ALG12: variants seen among roughly 807,000 people sequenced by gnomAD.
ALG12 encodes ALG12 alpha-1,6-mannosyltransferase.
ALG12 carries 36 observed loss-of-function variants against 46.0 expected under a neutral mutation model. The ratio of observed to expected loss-of-function variants is 0.78; its 90% confidence interval spans 0.60 to 1.03. ALG12 has a LOEUF of 1.03. Ranked by LOEUF, ALG12 falls within the 50% of genes least tolerant of loss-of-function variation. The pLI is 0.00. For missense variants in ALG12, 599 were observed against 633.5 expected, an observed-to-expected ratio of 0.95 and a Z score of 0.58; for synonymous variants, 326 against 291.6, an observed-to-expected ratio of 1.12 and a Z score of -1.20.
At chr22:49,865,863 C>CTTT in the ALG12 span, among the ~76,000 whole-genome samples, 4 of 139,520 alleles carry the variant, frequency 2.9e-5, no homozygotes, top group African/African-American at 1.0e-4. Context: ...TTCACATTTT[C>CTTT]TTTTTTTTTT....
chr22:49,875,532 T>A, the ALG12 span, among the ~76,000 whole-genome samples: 1 of 151,988 alleles, frequency 6.6e-6, no homozygotes, highest in East Asian at 1.9e-4. Flanking sequence ...GGGATTCTCC[T>A]GCCTCAGCCT....
chr22:49,912,039 C>A (rs923225557), intron 3 of ALG12, among the ~76,000 whole-genome samples: 1 of 151,660 alleles, frequency 6.6e-6, no homozygotes, highest in Admixed American at 6.6e-5. Context: ...ACCCTCGGCC[C>A]CGGGATCAGC....
the ALG12 span, among the ~76,000 whole-genome samples, chr22:49,873,540 A>G: frequency 6.6e-6 from 1 of 152,266 alleles, no homozygotes; most frequent in African/African-American, 2.4e-5. Flanking sequence ...AAATATTGCC[A>G]GAATTACCAA....
chr22:49,864,535 G>T, the ALG12 span, among the ~76,000 whole-genome samples: 1 of 152,198 alleles, frequency 6.6e-6, no homozygotes, highest in African/African-American at 2.4e-5. Context: ...CCTGATTGGA[G>T]CCTGGGCATG....
chr22:49,910,628 C>T (rs779935632), intron 3 of ALG12, 21 bp from the exon 4 acceptor site: 25 of 1,613,842 alleles, frequency 1.5e-5, no homozygotes, highest in Middle Eastern at 3.3e-4. Context: ...ACAGTGACAG[C>T]ACCTGAGCCT....
chr22:49,891,071 A>G, the ALG12 span, among the ~76,000 whole-genome samples: 1 of 152,058 alleles, frequency 6.6e-6, no homozygotes, highest in Admixed American at 6.5e-5. Context: ...CAGAAAGTCA[A>G]CAAGCAAAAT....
At chr22:49,870,187 T>C in the ALG12 span, among the ~76,000 whole-genome samples, 1 of 152,158 alleles carries the variant, frequency 6.6e-6, no homozygotes, top group Non-Finnish European at 1.5e-5. Context: ...TAATATTCCA[T>C]GGTGTGGATA....
chr22:49,865,223 G>T, the ALG12 span, among the ~76,000 whole-genome samples: 1 of 152,068 alleles, frequency 6.6e-6, no homozygotes, highest in African/African-American at 2.4e-5. Context: ...TAACACCGTG[G>T]CAAGTATTTG....
chr22:49,883,775 A>G, the ALG12 span: 2 of 1,613,376 alleles, frequency 1.2e-6, no homozygotes, highest in Non-Finnish European at 1.7e-6. Flanking sequence ...GATAGTTTGG[A>G]AAGAATGGAC....
the ALG12 span, among the ~76,000 whole-genome samples, chr22:49,880,578 G>A: frequency 2.0e-5 from 3 of 152,222 alleles, no homozygotes; most frequent in Non-Finnish European, 4.4e-5. Flanking sequence ...TGAAAACGTC[G>A]TTTCGTGCAC....
the ALG12 span, among the ~76,000 whole-genome samples, chr22:49,891,116 T>G: frequency 6.6e-6 from 1 of 152,194 alleles, no homozygotes; most frequent in African/African-American, 2.4e-5. Context: ...TGCCATGACC[T>G]TACTTTGACT....
At chr22:49,860,737 A>G in the ALG12 span, among the ~76,000 whole-genome samples, 2 of 151,586 alleles carry the variant, frequency 1.3e-5, no homozygotes, top group African/African-American at 4.9e-5. Flanking sequence ...TCAGAACTAC[A>G]TAAAAGCTAC....
chr22:49,917,634 C>T (rs575045215), intron 1 of ALG12, among the ~76,000 whole-genome samples: 1 of 151,876 alleles, frequency 6.6e-6, no homozygotes, highest in Non-Finnish European at 1.5e-5. Flanking sequence ...CGCCACTGCA[C>T]TCCAGCCTGG....
Position 49,900,565 on chromosome 22 carries a change from G to A in ALG12, c.*3273C>T, listed in dbSNP as rs2060499839. 6.6e-6 allele frequency: 1 copy of A among 152,260 alleles called. No homozygotes were observed. The highest frequency in any genetic ancestry group is 2.1e-4 in the South Asian group (1 of 4,826). The allele number at this position is 152,260 out of a possible 1,614,324, so 9.4% of individuals were successfully genotyped here. On this transcript the variant is annotated 3_prime_UTR_variant, in exon 10 of 10. Transcript: ENST00000330817. The stretch of plus-strand genomic sequence containing the variant: ...GACGGCACCCGCAGTTGTGGGCAGG[G>A]AGTGAACTGCACACAATCCCGACCT...
At chr22:49,881,975 CAT>C in the ALG12 span, among the ~76,000 whole-genome samples, 1 of 152,262 alleles carries the variant, frequency 6.6e-6, no homozygotes, top group Non-Finnish European at 1.5e-5. Flanking sequence ...GGCAACCATA[CAT>C]CTTGCTTTGC....
chr22:49,902,761 G>A lies in ALG12; in HGVS notation c.*1077C>T, dbSNP rs1177705721. ...TGTGCACGTGTGCACTGTGTGTGGT[G>A]TGTATGCATGGTGTGTGCACGTGTG... On this transcript the variant is annotated 3_prime_UTR_variant, in exon 10 of 10. Transcript: ENST00000330817. 1 of 76,110 alleles carries A rather than the reference G, an allele frequency of 1.3e-5. No individual in the cohort carries two copies. Among genetic ancestry groups the A allele is most frequent in the East Asian group, 3.6e-4 (1 of 2,810 alleles). 4.7% of individuals were successfully genotyped at this position (76,110 alleles called of 1,614,324 possible).
At chr22:49,883,387 C>T in the ALG12 span, 4 of 306,334 alleles carry the variant, frequency 1.3e-5, no homozygotes, top group African/African-American at 6.3e-5. Flanking sequence ...AGATCCTGTC[C>T]TCAGGACCAG....
At chr22:49,861,768 G>A in the ALG12 span, among the ~76,000 whole-genome samples, 1 of 152,224 alleles carries the variant, frequency 6.6e-6, no homozygotes, top group Non-Finnish European at 1.5e-5. Context: ...CTCAGCACAT[G>A]TATGAATGTG....
At chr22:49,874,631 C>G in the ALG12 span, among the ~76,000 whole-genome samples, 1 of 143,172 alleles carries the variant, frequency 7.0e-6, no homozygotes, top group African/African-American at 2.5e-5. Flanking sequence ...CCTTGGCCTC[C>G]CGAAGTGCTG....
Sources: gnomAD v4.1 joint callset for allele counts (sites outside exome capture counted in the v4.1 genomes callset) on GRCh38, gnomAD v4.1.1 for gene constraint, MANE v1.5 for transcripts, NCBI Gene and HGNC (gene_info 2026-07-23, HGNC 2026-07-21) for gene names.